The following TCF20 variants were observed in gnomAD, a reference collection of about 807,000 sequenced individuals.
TCF20 encodes transcription factor 20.
Under a neutral mutation model 148.6 loss-of-function variants are expected in TCF20, and 3 were observed. The observed-to-expected ratio is 0.02, with a 90% CI of 0.01 to 0.05. The LOEUF is 0.05. TCF20 is among the 10% of genes least tolerant of loss of function. The pLI, the probability that TCF20 is intolerant of heterozygous loss-of-function variation, is 1.00. For synonymous variants in TCF20, 1,049 were observed against 909.5 expected (o/e 1.15, Z -2.76); for missense variants, 2,350 against 2,429.3 (o/e 0.97, Z 0.69).
chr22:42,188,967 G>A (rs1442618866), intron 2 of TCF20, among the ~76,000 whole-genome samples: 1 of 152,170 alleles, frequency 6.6e-6, no homozygotes, highest in Non-Finnish European at 1.5e-5. Context: ...TCTTGAGGGA[G>A]TGTAGCTTGA....
chr22:42,210,281 G>A lies in TCF20; in HGVS notation c.5025C>T (p.Ser1675=), dbSNP rs1372275400. 1.2e-6 allele frequency: 2 copies of A among 1,614,198 alleles called. No individual in the cohort carries two copies. The highest frequency in any genetic ancestry group is 1.7e-5 in the Admixed American group (1 of 60,022). The part of the protein sequence containing the change: ...KGQRSLTPPP[S]STESKALPAS... Reference sequence around the variant, plus strand: ...CCGGGAGCGCCTTGCTTTCAGTGCTGCTAGGTGGAGGGGTCAGTGACCTCT... The same window carrying A: ...CCGGGAGCGCCTTGCTTTCAGTGCTACTAGGTGGAGGGGTCAGTGACCTCT... The change falls in exon 2 of 6, where the codon AGC becomes AGT. Residue 1675 remains serine, a synonymous_variant. Transcript: ENST00000677622. The surrounding 1 kb of genome is among the most constrained non-coding windows in gnomAD (Gnocchi z 4.7).
At chr22:42,265,714 G>T (rs1036333031) in intron 1 of TCF20, among the ~76,000 whole-genome samples, 1 of 152,176 alleles carries the variant, frequency 6.6e-6, no homozygotes, top group African/African-American at 2.4e-5. Flanking sequence ...GCATACTGTG[G>T]AAAGAACTGT....
chr22:42,277,522 C>T (rs992974226), intron 1 of TCF20, among the ~76,000 whole-genome samples: 69 of 152,142 alleles, frequency 4.5e-4, no homozygotes, highest in African/African-American at 1.5e-3. Context: ...TGGAGGAGAG[C>T]TCCAGGCAGA....
At chr22:42,324,131 TGG>T (rs1927820418) in intron 1 of TCF20, among the ~76,000 whole-genome samples, 2 of 122,628 alleles carry the variant, frequency 1.6e-5, no homozygotes, top group East Asian at 2.2e-4. Context: ...GTTATGGTGG[TGG>T]TGGTGGTGGT....
At chr22:42,262,288 G>C (rs1926069928) in intron 1 of TCF20, among the ~76,000 whole-genome samples, 1 of 152,196 alleles carries the variant, frequency 6.6e-6, no homozygotes, top group Admixed American at 6.5e-5. Context: ...GAGGTAAAGA[G>C]GGTAGTGGCA....
intron 1 of TCF20, among the ~76,000 whole-genome samples, chr22:42,257,969 G>A (rs542754287): frequency 5.7e-4 from 87 of 152,172 alleles, no homozygotes; most frequent in Non-Finnish European, 1.0e-3. Flanking sequence ...TGAGGGCTCT[G>A]AAATAATTTA....
Position 42,161,099 on chromosome 22 carries a change from T to TTC in TCF20, c.*303_*304insGA. On this transcript the variant is annotated 3_prime_UTR_variant, in exon 6 of 6. Coordinates refer to ENST00000677622, the MANE Select transcript of TCF20 (RefSeq NM_001378418.1). ...CTCCCTTTTAATTCCCCCCACCCTT[T>TTC]CCCCATCATCCCACCCCTCCCCCCT... 2.6e-6 allele frequency: 1 copy of TTC among 378,178 alleles called. No individual in the cohort carries two copies. Among genetic ancestry groups the TTC allele is most frequent in the South Asian group, 4.9e-5 (1 of 20,352 alleles). The allele number at this position is 378,178 out of a possible 1,614,324, so 23.4% of individuals were successfully genotyped here.
chr22:42,239,910 A>G (rs932169123), intron 1 of TCF20, among the ~76,000 whole-genome samples: 1 of 152,232 alleles, frequency 6.6e-6, no homozygotes, highest in Non-Finnish European at 1.5e-5. Flanking sequence ...ACAGACTTAG[A>G]CTTGCTCAAT....
At chr22:42,336,065 A>C (rs1400353182) in intron 1 of TCF20, among the ~76,000 whole-genome samples, 1 of 152,188 alleles carries the variant, frequency 6.6e-6, no homozygotes, top group African/African-American at 2.4e-5. Flanking sequence ...GGCCTCCTCC[A>C]GTCAAGCAAA....
intron 1 of TCF20, among the ~76,000 whole-genome samples, chr22:42,235,086 G>C (rs1453028241): frequency 6.7e-6 from 1 of 149,702 alleles, no homozygotes; most frequent in African/African-American, 2.5e-5. Context: ...AAGTTGCAGT[G>C]AGCCGAGATC....
intron 1 of TCF20, among the ~76,000 whole-genome samples, chr22:42,341,168 G>A (rs1477474526): frequency 6.6e-6 from 1 of 152,108 alleles, no homozygotes; most frequent in Non-Finnish European, 1.5e-5. Context: ...TGGGGGGGAT[G>A]CAAACCCCCC....
intron 1 of TCF20, among the ~76,000 whole-genome samples, chr22:42,254,143 G>A (rs920204164): frequency 2.0e-5 from 3 of 150,288 alleles, no homozygotes; most frequent in Non-Finnish European, 2.9e-5. Context: ...AGCTGGCAGC[G>A]AAATTTTATT....
At chr22:42,291,456 A>G (rs1569202263) in intron 1 of TCF20, among the ~76,000 whole-genome samples, 1 of 152,128 alleles carries the variant, frequency 6.6e-6, no homozygotes, top group Non-Finnish European at 1.5e-5. Context: ...AGCCCGCTGG[A>G]GGTCATAGGC....
At chr22:42,230,198 A>G (rs1025129301) in intron 1 of TCF20, among the ~76,000 whole-genome samples, 6 of 152,360 alleles carry the variant, frequency 3.9e-5, no homozygotes, top group Non-Finnish European at 7.3e-5. Flanking sequence ...CACGTGCTAC[A>G]TAACACATTT....
At chr22:42,270,913 G>A (rs1232740439), upstream of TCF20, among the ~76,000 whole-genome samples, 1 of 151,942 alleles carries the variant, frequency 6.6e-6, no homozygotes, top group Non-Finnish European at 1.5e-5. Flanking sequence ...CACCCGCCCA[G>A]TGCCATCTTG....
intron 1 of TCF20, among the ~76,000 whole-genome samples, chr22:42,303,016 G>A (rs1027994343): frequency 6.6e-6 from 1 of 152,210 alleles, no homozygotes; most frequent in Middle Eastern, 3.2e-3. Context: ...TGCAACCTCC[G>A]CCTCCCGGGT....
At chr22:42,251,944 C>T (rs538953837) in intron 1 of TCF20, among the ~76,000 whole-genome samples, 2 of 151,882 alleles carry the variant, frequency 1.3e-5, no homozygotes, top group Admixed American at 6.6e-5. Context: ...TGGCTCATGC[C>T]TGTAATCCCA....
chr22:42,239,059 A>G (rs1003771856), intron 1 of TCF20, among the ~76,000 whole-genome samples: 3 of 152,110 alleles, frequency 2.0e-5, no homozygotes, highest in Non-Finnish European at 2.9e-5. Context: ...CAGAGCTTGC[A>G]GTGAGCCGAA....
intron 1 of TCF20, among the ~76,000 whole-genome samples, chr22:42,231,283 G>C (rs972969512): frequency 6.6e-6 from 1 of 152,168 alleles, no homozygotes; most frequent in Non-Finnish European, 1.5e-5. Flanking sequence ...AGGAGTTTGA[G>C]ACCAGCCTGG....
Sources: gnomAD v4.1 joint callset for allele counts (sites outside exome capture counted in the v4.1 genomes callset) on GRCh38, gnomAD v4.1.1 for gene constraint, Gnocchi (gnomAD v3.1) non-coding constraint, MANE v1.5 for transcripts, NCBI Gene and HGNC (gene_info 2026-07-23, HGNC 2026-07-21) for gene names.